WWTR1: variants seen among roughly 807,000 people sequenced by gnomAD.
WWTR1 encodes WW domain containing transcription regulator 1.
A neutral mutation model predicts 40.1 loss-of-function variants in WWTR1; 13 were observed. The ratio of observed to expected loss-of-function variants is 0.32; its 90% CI spans 0.21 to 0.52. The LOEUF (loss-of-function observed/expected upper bound fraction) is 0.52, where lower values mean the gene tolerates loss of function less well. WWTR1 is among the 20% of genes least tolerant of loss of function. WWTR1 has a pLI of 0.97. For missense variants in WWTR1, 436 were observed against 523.1 expected (o/e 0.83, Z 1.63); for synonymous variants, 230 against 210.1 (o/e 1.09, Z -0.82).
chr3:149,527,987 A>G lies in WWTR1; in HGVS notation c.772-18T>C, dbSNP rs1735406737. 4 of 1,611,928 alleles carry G rather than the reference A, an allele frequency of 2.5e-6. No individual in the cohort carries two copies. The highest frequency in any genetic ancestry group is 3.4e-6 in the Non-Finnish European group (4 of 1,178,950). On this transcript the variant is annotated intron_variant, in intron 4 of 6. Transcript: ENST00000360632. ...GCAGCTTCCTACAGTCAGAATGGGA[A>G]GCAAGAGTCATGCACTCATTGTCAC... is the stretch of plus-strand genomic sequence containing the variant.
rs1401268640 is a variant in WWTR1 at position 149,697,350 on chromosome 3, G to C, written c.-108+5774C>G. ...CAAACAGATCTCATGTAAAATACCA[G>C]AGTGAGAACTCACTCATCACCCAGG... On this transcript the variant is annotated intron_variant, in intron 1 of 7. Transcript: ENST00000465804. Among the ~76,000 whole-genome samples the C allele has an allele frequency of 2.0e-5, 3 of 151,944 alleles. No individual in the cohort carries two copies. The East Asian group carries it at 5.8e-4, about 29-fold the overall frequency.
chr3:149,592,856 G>A (rs1310515018), intron 2 of WWTR1, among the ~76,000 whole-genome samples: 1 of 152,028 alleles, frequency 6.6e-6, no homozygotes, highest in African/African-American at 2.4e-5. Context: ...TGAAACAGCT[G>A]GTGGGAACCT....
At chr3:149,604,519 T>A (rs1460023750) in intron 2 of WWTR1, among the ~76,000 whole-genome samples, 1 of 152,024 alleles carries the variant, frequency 6.6e-6, no homozygotes, top group Non-Finnish European at 1.5e-5. Context: ...AGGAAGGAGG[T>A]CAAAGAAAGA....
intron 3 of WWTR1, among the ~76,000 whole-genome samples, chr3:149,551,136 A>G (rs551512672): frequency 6.9e-6 from 1 of 144,348 alleles, no homozygotes; most frequent in South Asian, 2.2e-4. Context: ...CATCTCTATT[A>G]AAAATACAAA....
rs546913360 is a variant in WWTR1, at chr3:149,579,013, G to C, written c.432-6013C>G. Among the ~76,000 whole-genome samples, 2 of 152,180 alleles carry C rather than the reference G, an allele frequency of 1.3e-5. 1 individual carries two copies. Among genetic ancestry groups the C allele is most frequent in the African/African-American group, 4.8e-5 (2 of 41,434 alleles). ...CGTATAACAAGGACTTTCTGAAATA[G>C]AGAATCCCATGTAATGTATTTTGTA... On this transcript the variant is annotated intron_variant, in intron 2 of 6. Coordinates refer to ENST00000360632, the MANE Select transcript of WWTR1 (RefSeq NM_015472.6).
intron 2 of WWTR1, among the ~76,000 whole-genome samples, chr3:149,622,746 C>T (rs1740371998): frequency 6.6e-6 from 1 of 152,102 alleles, no homozygotes; most frequent in African/African-American, 2.4e-5. Flanking sequence ...GAAAATCAGC[C>T]AGGCACAGTG....
intron 1 of WWTR1, among the ~76,000 whole-genome samples, chr3:149,693,410 G>C (rs1170562090): frequency 6.6e-6 from 1 of 152,010 alleles, no homozygotes; most frequent in Non-Finnish European, 1.5e-5. Flanking sequence ...ACTACGCAAA[G>C]CAATCTACAG....
At chr3:149,608,388 A>AT (rs34313223) in intron 2 of WWTR1, among the ~76,000 whole-genome samples, 339 of 144,790 alleles carry the variant, frequency 2.3e-3, no homozygotes, top group African/African-American at 4.1e-3. Context: ...AAATATCTAA[A>AT]TTTTTTTTTT....
chr3:149,564,624 T>C (rs1198785151), intron 3 of WWTR1, among the ~76,000 whole-genome samples: 1 of 152,038 alleles, frequency 6.6e-6, no homozygotes, highest in Non-Finnish European at 1.5e-5. Flanking sequence ...ACTGACTTAC[T>C]CAACACATTT....
At chr3:149,625,051 A>C (rs553446189) in intron 2 of WWTR1, among the ~76,000 whole-genome samples, 1 of 149,902 alleles carries the variant, frequency 6.7e-6, no homozygotes, top group South Asian at 2.1e-4. Context: ...CTTTACAGAA[A>C]GTCCTTTTTC....
At chr3:149,529,663 C>T (rs952994690) in intron 4 of WWTR1, among the ~76,000 whole-genome samples, 2 of 152,132 alleles carry the variant, frequency 1.3e-5, no homozygotes, top group Admixed American at 6.5e-5. Context: ...TTGTTTTTAA[C>T]ATGGCAGGCA....
chr3:149,671,510 C>T (rs1478513118), intron 1 of WWTR1, among the ~76,000 whole-genome samples: 1 of 152,154 alleles, frequency 6.6e-6, no homozygotes, highest in Non-Finnish European at 1.5e-5. Flanking sequence ...TACTCCTTCA[C>T]AAAATTTTCA....
intron 3 of WWTR1, among the ~76,000 whole-genome samples, chr3:149,563,485 T>C (rs1235632420): frequency 6.6e-6 from 1 of 152,164 alleles, no homozygotes; most frequent in Non-Finnish European, 1.5e-5. Flanking sequence ...CTTGGAATAT[T>C]TGGGGTCAAG....
At chr3:149,637,682 G>T (rs575035986) in intron 2 of WWTR1, among the ~76,000 whole-genome samples, 1 of 152,092 alleles carries the variant, frequency 6.6e-6, no homozygotes, top group Non-Finnish European at 1.5e-5. Context: ...AACCTTACAC[G>T]ACACTCTGAT....
chr3:149,711,071 A>G (rs1715467082), intron 5 of WWTR1, among the ~76,000 whole-genome samples: 1 of 151,306 alleles, frequency 6.6e-6, no homozygotes, highest in Non-Finnish European at 1.5e-5. Flanking sequence ...CTCCACCCAA[A>G]TTGATTATAT....
intron 2 of WWTR1, among the ~76,000 whole-genome samples, chr3:149,605,872 A>T (rs1005176178): frequency 5.9e-5 from 9 of 152,176 alleles, no homozygotes; most frequent in African/African-American, 2.2e-4. Flanking sequence ...ACACAGCTAT[A>T]AAGACAAACA....
chr3:149,575,159 G>A lies in WWTR1; in HGVS notation c.432-2159C>T, dbSNP rs556818911. 3.7e-3 allele frequency among the ~76,000 whole-genome samples: 565 copies of A among 152,090 alleles called. 4 individuals are homozygous for A. Among genetic ancestry groups the A allele is most frequent in the Non-Finnish European group, 6.2e-3 (422 of 67,964 alleles). ...TGAAAATCATTTCCCTAAGTATAAA[G>A]TAAATAATAATAAAAACAATAGTTT... On this transcript the variant is annotated intron_variant, in intron 2 of 6. Coordinates refer to ENST00000360632, the MANE Select transcript of WWTR1 (RefSeq NM_015472.6).
intron 2 of WWTR1, among the ~76,000 whole-genome samples, chr3:149,592,252 A>T (rs1056587816): frequency 1.3e-5 from 2 of 152,236 alleles, no homozygotes; most frequent in African/African-American, 4.8e-5. Context: ...CATTTCTGTA[A>T]TTCATTTTAT....
intron 2 of WWTR1, among the ~76,000 whole-genome samples, chr3:149,621,612 C>A (rs983268159): frequency 6.6e-6 from 1 of 152,134 alleles, no homozygotes. Flanking sequence ...AGAAAAAATA[C>A]AGGAAGAGCA....
Sources: gnomAD v4.1 joint callset for allele counts (sites outside exome capture counted in the v4.1 genomes callset) on GRCh38, gnomAD v4.1.1 for gene constraint, MANE v1.5 for transcripts, NCBI Gene and HGNC (gene_info 2026-07-23, HGNC 2026-07-21) for gene names.